The following PHACTR3 variants were observed in gnomAD, a reference collection of about 807,000 sequenced individuals.
The protein encoded by PHACTR3 is protein phosphatase 1, regulatory subunit 123.
PHACTR3 carries 16 observed loss-of-function variants against 66.8 expected under a neutral mutation model. The ratio of observed to expected loss-of-function variants is 0.24; its 90% confidence interval spans 0.16 to 0.36. PHACTR3 has a LOEUF of 0.36. Among genes scored for constraint, PHACTR3 ranks in the 10% least tolerant of loss-of-function variants. PHACTR3 has a pLI of 1.00. For synonymous variants in PHACTR3, 323 were observed against 292.1 expected (o/e 1.11, Z -1.08); for missense variants, 647 against 719.9 (o/e 0.90, Z 1.16).
chr20:59,628,859 A>G, intron 1 of PHACTR3: 1 of 965,606 alleles, frequency 1.0e-6, no homozygotes, highest in Non-Finnish European at 1.2e-6. Context: ...AATTGTTCAC[A>G]CTTTCTAAAC....
At chr20:59,842,122 CAAG>C (rs1386166112) in intron 11 of PHACTR3, among the ~76,000 whole-genome samples, 1 of 152,088 alleles carries the variant, frequency 6.6e-6, no homozygotes, top group Non-Finnish European at 1.5e-5. Context: ...AGGAAGAACA[CAAG>C]GAGGTAGTAG....
chr20:59,678,315 C>G (rs2036522674), intron 1 of PHACTR3, among the ~76,000 whole-genome samples: 1 of 152,120 alleles, frequency 6.6e-6, no homozygotes, highest in Admixed American at 6.5e-5. Flanking sequence ...ATCGTGGATG[C>G]TCAGAAAATT....
chr20:59,749,832 T>G (rs1458476574), intron 3 of PHACTR3, among the ~76,000 whole-genome samples: 2 of 152,218 alleles, frequency 1.3e-5, no homozygotes, highest in South Asian at 2.1e-4. Context: ...TTTTGATTTT[T>G]TTTTCTTTTG....
chr20:59,767,820 A>T (rs1601308795), intron 5 of PHACTR3, among the ~76,000 whole-genome samples: 1 of 151,940 alleles, frequency 6.6e-6, no homozygotes, highest in Non-Finnish European at 1.5e-5. Flanking sequence ...GTTCCTTTCC[A>T]TTCCATTCCA....
At chr20:59,624,583 C>T (rs929438109) in intron 1 of PHACTR3, among the ~76,000 whole-genome samples, 8 of 152,254 alleles carry the variant, frequency 5.3e-5, no homozygotes, top group Admixed American at 2.6e-4. Context: ...GCAGGAGACA[C>T]CTCCTGGCAG....
intron 8 of PHACTR3, among the ~76,000 whole-genome samples, chr20:59,813,256 C>T (rs1490763214): frequency 4.6e-5 from 7 of 152,194 alleles, no homozygotes; most frequent in African/African-American, 1.7e-4. Context: ...ATGGGTCACT[C>T]CCGGAGCAGG....
rs968895269 is a variant in PHACTR3, at chr20:59,639,009, G to A, written c.118+33877G>A. On this transcript the variant is annotated intron_variant, in intron 1 of 12. Coordinates refer to ENST00000371015, the MANE Select transcript of PHACTR3 (RefSeq NM_080672.5). ...AGGTAGACATACCAGTGGATAGGTG[G>A]GTGGGTGGATGGGTGGGGTGGATGG... 4.0e-5 allele frequency among the ~76,000 whole-genome samples: 6 copies of A among 149,816 alleles called. No homozygotes were observed. In the East Asian group the frequency reaches 1.2e-3, roughly 30 times the overall value.
At chr20:59,600,306 ATCTTG>A (rs1422353787), upstream of PHACTR3, among the ~76,000 whole-genome samples, 2 of 152,188 alleles carry the variant, frequency 1.3e-5, no homozygotes, top group African/African-American at 2.4e-5. Context: ...ATATTAGTCA[ATCTTG>A]TCTTCTGTGC....
In PHACTR3 at chr20:59,698,336, G is replaced by A. The variant is rs538310715; in HGVS notation, c.119-44771G>A. Among the ~76,000 whole-genome samples, 12 of 152,158 alleles carry A rather than the reference G, an allele frequency of 7.9e-5. No homozygotes were observed. In the South Asian group the frequency reaches 2.5e-3, roughly 32 times the overall value. ...AGGGAGATGGAGAGACAAAGACAGA[G>A]ACAGCAAGCAAGAGAATGTGAGAGC... On this transcript the variant is annotated intron_variant, in intron 1 of 12. Transcript: ENST00000371015.
intron 1 of PHACTR3, among the ~76,000 whole-genome samples, chr20:59,686,962 A>ATGGTGATTGTGATGATGG (rs1568712323): frequency 3.5e-5 from 5 of 142,492 alleles, no homozygotes; most frequent in Non-Finnish European, 6.2e-5. Flanking sequence ...TGTGATGATG[A>ATGGTGATTGTGATGATGG]TGGTGATTGT....
chr20:59,594,292 A>T (rs144591752), intron 1 of PHACTR3, among the ~76,000 whole-genome samples: 27 of 149,580 alleles, frequency 1.8e-4, no homozygotes, highest in African/African-American at 6.6e-4. Context: ...GTATCTTGCA[A>T]CCTTGCTATA....
chr20:59,583,621 G>C (rs2032925520), intron 1 of PHACTR3, among the ~76,000 whole-genome samples: 1 of 152,216 alleles, frequency 6.6e-6, no homozygotes, highest in Non-Finnish European at 1.5e-5. Flanking sequence ...GGCTTTCCCG[G>C]AACCCTCCTC....
chr20:59,772,649 G>A (rs2040398333), intron 5 of PHACTR3, among the ~76,000 whole-genome samples: 1 of 152,216 alleles, frequency 6.6e-6, no homozygotes, highest in South Asian at 2.1e-4. Flanking sequence ...AGAGTGAGGT[G>A]GAGATGCAGC....
At chr20:59,600,104 C>G (rs2033430784), upstream of PHACTR3, among the ~76,000 whole-genome samples, 1 of 152,198 alleles carries the variant, frequency 6.6e-6, no homozygotes, top group Non-Finnish European at 1.5e-5. Context: ...GGGCTCCATG[C>G]TGCTCCCACC....
At chr20:59,836,203 T>A in intron 8 of PHACTR3, 1 of 305,840 alleles carries the variant, frequency 3.3e-6, no homozygotes. Flanking sequence ...ACTGCTCCGG[T>A]GAACAGTCCA....
At chr20:59,728,691 A>C (rs187991905) in intron 1 of PHACTR3, among the ~76,000 whole-genome samples, 2 of 151,940 alleles carry the variant, frequency 1.3e-5, no homozygotes, top group Non-Finnish European at 2.9e-5. Flanking sequence ...TTTTCTGACC[A>C]CAGAACCCCG....
At chr20:59,642,518 T>G (rs2035144106) in intron 1 of PHACTR3, among the ~76,000 whole-genome samples, 1 of 151,288 alleles carries the variant, frequency 6.6e-6, no homozygotes, top group Admixed American at 6.6e-5. Flanking sequence ...TCAGCCTATA[T>G]CCTTTATTAA....
intron 4 of PHACTR3, among the ~76,000 whole-genome samples, chr20:59,762,799 G>A (rs2040037643): frequency 6.6e-6 from 1 of 152,254 alleles, no homozygotes; most frequent in Non-Finnish European, 1.5e-5. Flanking sequence ...TGGTGAGGAG[G>A]CCCAGGCAGA....
At chr20:59,605,564 A>C (rs1457005398) in intron 1 of PHACTR3, among the ~76,000 whole-genome samples, 1 of 152,170 alleles carries the variant, frequency 6.6e-6, no homozygotes, top group Non-Finnish European at 1.5e-5. Context: ...AGCGCTCCGC[A>C]GCTGAGGCCA....
Sources: gnomAD v4.1 joint callset for allele counts (sites outside exome capture counted in the v4.1 genomes callset) on GRCh38, gnomAD v4.1.1 for gene constraint, MANE v1.5 for transcripts, NCBI Gene and HGNC (gene_info 2026-07-23, HGNC 2026-07-21) for gene names.